The following JAKMIP3 variants were observed in gnomAD, a reference collection of about 807,000 sequenced individuals.
JAKMIP3 encodes Janus kinase and microtubule interacting protein 3.
Under a neutral mutation model 118.5 loss-of-function variants are expected in JAKMIP3, and 58 were observed. The ratio of observed to expected loss-of-function variants is 0.49; its 90% CI spans 0.40 to 0.61. The LOEUF (loss-of-function observed/expected upper bound fraction) is 0.61. JAKMIP3 is among the 20% of genes least tolerant of loss of function. The probability of loss-of-function intolerance (pLI) is 0.00; values close to 1 mark genes in which losing one functional copy is unlikely to be tolerated. For missense variants in JAKMIP3, 950 were observed against 1,109.0 expected (o/e 0.86, Z 2.04); for synonymous variants, 486 against 451.2 (o/e 1.08, Z -0.98).
chr10:132,175,794 A>C (rs2060087465), intron 23 of JAKMIP3, among the ~76,000 whole-genome samples: 1 of 152,228 alleles, frequency 6.6e-6, no homozygotes, highest in Non-Finnish European at 1.5e-5. Flanking sequence ...TCCACAGTTC[A>C]TGGCCATCAT....
At chr10:132,110,262 C>A (rs995416221) in intron 2 of JAKMIP3, among the ~76,000 whole-genome samples, 2 of 152,150 alleles carry the variant, frequency 1.3e-5, no homozygotes, top group African/African-American at 4.8e-5. Context: ...GTGGCCTAGG[C>A]GGCATCTGGT....
At chr10:132,141,265 G>A (rs758025444) in intron 10 of JAKMIP3, among the ~76,000 whole-genome samples, 5 of 152,184 alleles carry the variant, frequency 3.3e-5, no homozygotes, top group Non-Finnish European at 5.9e-5. Flanking sequence ...ACAGCCTCAG[G>A]TGCAGGGTTG....
At chr10:132,164,869 C>T (rs758588692) in intron 21 of JAKMIP3, 134 bp downstream of exon 21, 28 of 659,050 alleles carry the variant, frequency 4.2e-5, no homozygotes, top group Admixed American at 2.4e-4. Context: ...GGGAAGCGGC[C>T]GCCTGGAGGC....
At chr10:132,054,601 C>T (rs1457586727) in intron 1 of JAKMIP3, among the ~76,000 whole-genome samples, 1 of 152,172 alleles carries the variant, frequency 6.6e-6, no homozygotes, top group Admixed American at 6.5e-5. Context: ...GGGCTGGTGC[C>T]AAGACCTAGG....
intron 1 of JAKMIP3, among the ~76,000 whole-genome samples, chr10:132,050,635 TG>T (rs200161309): frequency 6.6e-6 from 1 of 151,958 alleles, no homozygotes; most frequent in Non-Finnish European, 1.5e-5. Context: ...GAAGGAGATT[TG>T]GGGGGGGTTG....
At chr10:132,042,925 CA>C (rs781693693) in intron 1 of JAKMIP3, among the ~76,000 whole-genome samples, 718 of 27,646 alleles carry the variant, frequency 0.026, 14 homozygotes, top group African/African-American at 0.12. Context: ...CCCCATGTCT[CA>C]AAAAAAAAAA....
chr10:132,150,719 A>G (rs2055973789), intron 16 of JAKMIP3, among the ~76,000 whole-genome samples: 1 of 151,940 alleles, frequency 6.6e-6, no homozygotes, highest in Non-Finnish European at 1.5e-5. Context: ...TCCGTCCTCC[A>G]TAATCCATCT....
chr10:132,068,243 G>A (rs1564861931), intron 1 of JAKMIP3, among the ~76,000 whole-genome samples: 1 of 152,142 alleles, frequency 6.6e-6, no homozygotes, highest in Non-Finnish European at 1.5e-5. Flanking sequence ...GTGGACTGTG[G>A]GCTTCTGTAA....
intron 1 of JAKMIP3, among the ~76,000 whole-genome samples, chr10:132,042,125 C>T (rs773421501): frequency 6.6e-6 from 1 of 151,882 alleles, no homozygotes; most frequent in Non-Finnish European, 1.5e-5. Context: ...CTCAGCTTCC[C>T]AAAGTGCTGG....
At chr10:132,170,467 G>A (rs191670897) in intron 23 of JAKMIP3, among the ~76,000 whole-genome samples, 1 of 152,184 alleles carries the variant, frequency 6.6e-6, no homozygotes, top group Non-Finnish European at 1.5e-5. Flanking sequence ...CCCCGAGCAG[G>A]TTCCCACAAC....
At chr10:132,138,591 A>G (rs921651722) in intron 9 of JAKMIP3, among the ~76,000 whole-genome samples, 2 of 152,264 alleles carry the variant, frequency 1.3e-5, no homozygotes, top group Non-Finnish European at 2.9e-5. Flanking sequence ...TGACCAAAAT[A>G]GGACCCAAAG....
upstream of JAKMIP3, among the ~76,000 whole-genome samples, chr10:132,060,351 A>G (rs938003808): frequency 2.6e-5 from 4 of 152,188 alleles, no homozygotes; most frequent in Admixed American, 2.0e-4. Flanking sequence ...GGGCAGGCAC[A>G]GGCAGGCTCT....
chr10:132,103,422 GA>G (rs1295898017), intron 1 of JAKMIP3, among the ~76,000 whole-genome samples: 4 of 91,886 alleles, frequency 4.4e-5, no homozygotes, highest in South Asian at 2.9e-4. Context: ...GGAGCAGCTG[GA>G]GGGGAGGAGC....
intron 3 of JAKMIP3, among the ~76,000 whole-genome samples, chr10:132,131,301 G>C (rs1173616535): frequency 2.0e-5 from 3 of 150,268 alleles, no homozygotes; most frequent in Admixed American, 2.0e-4. Flanking sequence ...GGGGAGATAG[G>C]AGCTTATGGG....
At chr10:132,050,106 C>CT (rs1324505921) in intron 1 of JAKMIP3, among the ~76,000 whole-genome samples, 1 of 152,150 alleles carries the variant, frequency 6.6e-6, no homozygotes, top group African/African-American at 2.4e-5. Context: ...TTCTCTCTTC[C>CT]TTTTTGCCTT....
chr10:132,047,219 G>A (rs778251816), intron 1 of JAKMIP3, among the ~76,000 whole-genome samples: 1 of 152,154 alleles, frequency 6.6e-6, no homozygotes, highest in African/African-American at 2.4e-5. Context: ...GGAGTGGACT[G>A]ATATAAAGTT....
Position 132,182,713 on chromosome 10 carries a change from C to T in JAKMIP3, c.*1460C>T, listed in dbSNP as rs1166736253. 2 of 152,206 alleles carry T rather than the reference C, an allele frequency of 1.3e-5. No homozygotes were observed. The highest frequency in any genetic ancestry group is 4.8e-5 in the African/African-American group (2 of 41,438). The allele number at this position is 152,206 out of a possible 1,614,324, so 9.4% of individuals were successfully genotyped here. ...GCAGCATTGTATAAAAGACACGACT[C>T]AGCTGCCGTAGGGAGGACTGGGTTG... On this transcript the variant is annotated 3_prime_UTR_variant, in exon 24 of 24. Coordinates refer to ENST00000684848, the MANE Select transcript of JAKMIP3 (RefSeq NM_001323087.2).
intron 23 of JAKMIP3, among the ~76,000 whole-genome samples, chr10:132,172,502 C>T (rs1318475272): frequency 2.6e-5 from 4 of 152,208 alleles, no homozygotes; most frequent in South Asian, 2.1e-4. Context: ...CCTGTGGGGA[C>T]GTGCTCTCCC....
intron 1 of JAKMIP3, among the ~76,000 whole-genome samples, chr10:132,072,678 C>T (rs2040149863): frequency 1.3e-5 from 2 of 152,150 alleles, no homozygotes; most frequent in African/African-American, 4.8e-5. Flanking sequence ...ATTATCTCTT[C>T]TTGCCTTCTT....
Sources: gnomAD v4.1 joint callset for allele counts (sites outside exome capture counted in the v4.1 genomes callset) on GRCh38, gnomAD v4.1.1 for gene constraint, MANE v1.5 for transcripts, NCBI Gene and HGNC (gene_info 2026-07-23, HGNC 2026-07-21) for gene names.